VPS51: variants seen among roughly 807,000 people sequenced by gnomAD.
VPS51 encodes VPS51 subunit of GARP complex, also known as vacuolar protein sorting-associated protein 51 homolog.
In VPS51, 55 loss-of-function variants were observed where a neutral mutation model predicts 65.1. That is an observed-to-expected ratio of 0.84 (90% confidence interval 0.68 to 1.06). VPS51 has a LOEUF of 1.06. VPS51 is among the 50% of genes least tolerant of loss of function. The pLI, the probability that VPS51 is intolerant of heterozygous loss-of-function variation, is 0.00. For synonymous variants in VPS51, 473 were observed against 489.5 expected (o/e 0.97, Z 0.44); for missense variants, 943 against 1,101.6 (o/e 0.86, Z 2.04).
In VPS51 at chr11:65,109,678, C is replaced by T. The variant is rs750196382; in HGVS notation, c.1660-27C>T. The T allele has an allele frequency of 3.6e-5, 55 of 1,543,270 alleles. No homozygotes were observed. In the South Asian group the frequency reaches 4.9e-4, roughly 14 times the overall value. On this transcript the variant is annotated intron_variant, in intron 6 of 9. Coordinates refer to ENST00000279281, the MANE Select transcript of VPS51 (RefSeq NM_013265.4). Reference sequence around the variant, plus strand: ...TGAGCTGCCCCCACCATACCCACTCCCTCTGTCCTCTGCCTCCTTGGCTCA... The same window carrying T: ...TGAGCTGCCCCCACCATACCCACTCTCTCTGTCCTCTGCCTCCTTGGCTCA...
Position 65,108,770 on chromosome 11 carries a change from C to T in VPS51, c.1299C>T (p.Arg433=), listed in dbSNP as rs201622389. The change falls in exon 5 of 10, where the codon CGC becomes CGT. Residue 433 remains arginine (R), a synonymous_variant. Coordinates refer to ENST00000279281, the MANE Select transcript of VPS51 (RefSeq NM_013265.4). ...TCCGCCAGGCGCTGGCAGCACCTCG[C>T]GTGGCTGGGAAGGAGGGCCCTGGCC... ...TDVRQALAAP[R]VAGKEGPGLA... 5.8e-5 allele frequency: 93 copies of T among 1,612,382 alleles called. No homozygotes were observed. Among genetic ancestry groups the T allele is most frequent in the Non-Finnish European group, 7.6e-5 (90 of 1,179,924 alleles).
Position 65,107,950 on chromosome 11 carries a change from C to T in VPS51, c.653C>T (p.Ser218Leu). ...CTGCAGCAGTACCAACACCTGCCCT[C>T]GTTCCGCGCCATCCAGGACGACTGC... ...AVLQQYQHLPSFRAIQDDCQV... is the reference protein window; with the variant it reads ...AVLQQYQHLPLFRAIQDDCQV... The change falls in exon 4 of 10, where the codon TCG becomes TTG. Residue 218 changes from serine to leucine, a missense_variant. Transcript: ENST00000279281. The surrounding 1 kb of genome is among the most constrained non-coding windows in gnomAD (Gnocchi z 4.0). 2 of 1,566,598 alleles carry T rather than the reference C, an allele frequency of 1.3e-6. No homozygotes were observed. The highest frequency in any genetic ancestry group is 1.7e-6 in the Non-Finnish European group (2 of 1,158,682).
chr11:65,108,731 C>A lies in VPS51; in HGVS notation c.1260C>A (p.Gly420=). ...HLQGLRAAFL[G]CLTDVRQALA... is the part of the protein sequence containing the mutation. Reference sequence around the variant, plus strand: ...AGGGTCTCCGGGCGGCCTTCCTGGGCTGCCTGACAGACGTCCGCCAGGCGC... The same window carrying A: ...AGGGTCTCCGGGCGGCCTTCCTGGGATGCCTGACAGACGTCCGCCAGGCGC... Residue 420 remains glycine, a synonymous_variant, in exon 5 of 10, where the codon GGC becomes GGA. Coordinates refer to ENST00000279281, the MANE Select transcript of VPS51 (RefSeq NM_013265.4). 6.2e-7 allele frequency: 1 copy of A among 1,610,396 alleles called. No individual in the cohort carries two copies. The highest frequency in any genetic ancestry group is 8.5e-7 in the Non-Finnish European group (1 of 1,179,540).
In VPS51 at chr11:65,108,875, C is replaced by T. The variant is rs373780734; in HGVS notation, c.1404C>T (p.Thr468=). The change falls in exon 5 of 10, where the codon ACC becomes ACT. Residue 468 remains threonine, a synonymous_variant. Coordinates refer to ENST00000279281, the MANE Select transcript of VPS51 (RefSeq NM_013265.4). ...CTCTGGCAGCAGTGCACCTTTTCAC[C>T]GCCAAAGAGGTGTCCTTCTCCAACA... ...KASLAAVHLF[T]AKEVSFSNKP... 1.8e-4 allele frequency: 290 copies of T among 1,612,922 alleles called. No homozygotes were observed. The highest frequency in any genetic ancestry group is 2.1e-4 in the Non-Finnish European group (249 of 1,180,034).
At chr11:65,109,250 T>C in intron 5 of VPS51, 30 bp from the exon 6 acceptor site, 5 of 1,597,992 alleles carry the variant, frequency 3.1e-6, no homozygotes, top group Non-Finnish European at 4.3e-6. Context: ...AGAGGGGACC[T>C]GCTGTGGACC....
rs1027847641 is a variant in VPS51, at chr11:65,108,485, G to A, written c.1014G>A (p.Ala338=). Residue 338 remains alanine, a synonymous_variant, in exon 5 of 10, where the codon GCG becomes GCA. Transcript: ENST00000279281. ...GCCCAGCAGGTGCCGAGAAGCTGGC[G>A]GCCTTCGCCCGGCAGCTGGGCAGCC... ...AQGPAGAEKL[A]AFARQLGSRY... is the part of the protein sequence containing the mutation. 6.2e-7 allele frequency: 1 copy of A among 1,606,232 alleles called. No homozygotes were observed. The highest frequency in any genetic ancestry group is 8.5e-7 in the Non-Finnish European group (1 of 1,178,646).
chr11:65,096,294 C>T lies in VPS51; in HGVS notation c.44C>T (p.Pro15Leu). 2.0e-6 allele frequency: 3 copies of T among 1,519,618 alleles called. No individual in the cohort carries two copies. Among genetic ancestry groups the T allele is most frequent in the Non-Finnish European group, 2.6e-6 (3 of 1,139,140 alleles). 94.1% of individuals were successfully genotyped at this position (1,519,618 alleles called of 1,614,324 possible). The stretch of plus-strand genomic sequence containing the variant: ...GCCGGGCCTAGCCCGGGGTCTGGAC[C>T]TGGGGACTCCCCAGAAGGGCCCGAG... The part of the protein sequence containing the change: ...AAAGPSPGSG[P>L]GDSPEGPEGE... The change falls in exon 1 of 10, where the codon CCT becomes CTT. Residue 15 changes from proline (P) to leucine (L), a missense_variant. Around this residue, in one of 2 missense-constraint regions of VPS51, gnomAD observed 855 missense variants for 953.7 expected, o/e 0.90. Coordinates refer to ENST00000279281, the MANE Select transcript of VPS51 (RefSeq NM_013265.4).
intron 7 of VPS51, 141 bp from the exon 8 acceptor site, chr11:65,110,341 C>G: frequency 7.1e-7 from 1 of 1,405,216 alleles, no homozygotes; most frequent in South Asian, 1.3e-5. Context: ...CGACCATGTA[C>G]CTACTAAATA....
Position 65,097,134 on chromosome 11 carries a change from C to T in VPS51, c.358+7C>T. On this transcript the variant is annotated splice_region_variant and intron_variant, in intron 2 of 9. Coordinates refer to ENST00000279281, the MANE Select transcript of VPS51 (RefSeq NM_013265.4). ...AAGTTCATCTCAGCCACAGGTGATC[C>T]CCACGGGGACACACCCTCCAAAGTC... 6.2e-7 allele frequency: 1 copy of T among 1,613,710 alleles called. No homozygotes were observed. The highest frequency in any genetic ancestry group is 8.5e-7 in the Non-Finnish European group (1 of 1,179,916).
At position 65,111,723 on chromosome 11, in the gene VPS51, G is replaced by A; in HGVS notation, c.*136G>A. 7.3e-7 allele frequency: 1 copy of A among 1,377,422 alleles called. No individual in the cohort carries two copies. Among genetic ancestry groups the A allele is most frequent in the Non-Finnish European group, 9.6e-7 (1 of 1,045,886 alleles). 85.3% of individuals were successfully genotyped at this position (1,377,422 alleles called of 1,614,324 possible). A position where few individuals can be genotyped will look rare whatever the true frequency, so the allele number is the denominator to read the frequency against. ...GTGGCCTCCTCCTCTCGCTTGCTGGGCGGGCCTTTCCGGGGGCGGGGTTTT... is the reference window on the plus strand; with the variant it reads ...GTGGCCTCCTCCTCTCGCTTGCTGGACGGGCCTTTCCGGGGGCGGGGTTTT... On this transcript the variant is annotated 3_prime_UTR_variant, in exon 10 of 10. Transcript: ENST00000279281.
chr11:65,111,728 C>T lies in VPS51; in HGVS notation c.*141C>T. 1.5e-6 allele frequency: 2 copies of T among 1,356,544 alleles called. No individual in the cohort carries two copies. Among genetic ancestry groups the T allele is most frequent in the East Asian group, 2.5e-5 (1 of 39,672 alleles). 84.0% of individuals were successfully genotyped at this position (1,356,544 alleles called of 1,614,324 possible). A position where few individuals can be genotyped will look rare whatever the true frequency, so the allele number is the denominator to read the frequency against. Reference sequence around the variant, plus strand: ...CTCCTCCTCTCGCTTGCTGGGCGGGCCTTTCCGGGGGCGGGGTTTTGAAGC... The same window carrying T: ...CTCCTCCTCTCGCTTGCTGGGCGGGTCTTTCCGGGGGCGGGGTTTTGAAGC... On this transcript the variant is annotated 3_prime_UTR_variant, in exon 10 of 10. Coordinates refer to ENST00000279281, the MANE Select transcript of VPS51 (RefSeq NM_013265.4).
In VPS51 at chr11:65,109,517, G is replaced by T. The variant is rs373527162; in HGVS notation, c.1659+22G>T. 1.5e-5 allele frequency: 24 copies of T among 1,602,490 alleles called. No individual in the cohort carries two copies. In the East Asian group the frequency reaches 2.7e-4, roughly 18 times the overall value. On this transcript the variant is annotated intron_variant, in intron 6 of 9. Transcript: ENST00000279281. ...GCAGGTGAAGCACTAGCTCCTAGCC[G>T]GGCAGGGAATGGTGTTGCTGGGAAT...
chr11:65,098,156 AG>A (rs1947783389), intron 2 of VPS51, among the ~76,000 whole-genome samples: 1 of 152,030 alleles, frequency 6.6e-6, no homozygotes, highest in Non-Finnish European at 1.5e-5. Context: ...ACTCCAGCCT[AG>A]GCAGCAGAGC....
chr11:65,100,118 A>G (rs1425028386), intron 2 of VPS51, among the ~76,000 whole-genome samples: 1 of 152,122 alleles, frequency 6.6e-6, no homozygotes, highest in Non-Finnish European at 1.5e-5. Flanking sequence ...TAATAATAAT[A>G]ATAAATAATA....
Position 65,110,683 on chromosome 11 carries a change from C to A in VPS51, c.2001-11C>A, listed in dbSNP as rs766896913. The A allele has an allele frequency of 6.2e-7, 1 of 1,614,030 alleles. No homozygotes were observed. Among genetic ancestry groups the A allele is most frequent in the African/African-American group, 1.3e-5 (1 of 74,936 alleles). Reference sequence around the variant, plus strand: ...AGGGCGGGCTCTGATTCCTTGTCTTCCCCAATCCAGTGCCCCGATGGACAC... The same window carrying A: ...AGGGCGGGCTCTGATTCCTTGTCTTACCCAATCCAGTGCCCCGATGGACAC... On this transcript the variant is annotated splice_polypyrimidine_tract_variant and intron_variant, in intron 8 of 9. Coordinates refer to ENST00000279281, the MANE Select transcript of VPS51 (RefSeq NM_013265.4).
intron 2 of VPS51, among the ~76,000 whole-genome samples, chr11:65,103,602 T>C (rs1156373249): frequency 2.0e-5 from 3 of 152,208 alleles, no homozygotes; most frequent in South Asian, 2.1e-4. Flanking sequence ...TCTTGTCAAA[T>C]TGACATCAAT....
chr11:65,096,235 G>A lies in VPS51; in HGVS notation c.-16G>A. ...CTTCCTTTCCAGCCTCACGCCCGTG[G>A]GCTGCAGTTGGAACGATGGCGGCGG... On this transcript the variant is annotated 5_prime_UTR_variant, in exon 1 of 10. Transcript: ENST00000279281. 1 of 1,526,590 alleles carries A rather than the reference G, an allele frequency of 6.6e-7. No individual in the cohort carries two copies. The highest frequency in any genetic ancestry group is 8.8e-7 in the Non-Finnish European group (1 of 1,139,782). The allele number at this position is 1,526,590 out of a possible 1,614,324, so 94.6% of individuals were successfully genotyped here.
In VPS51 at chr11:65,107,104, C is replaced by T; in HGVS notation, c.359-477C>T. The T allele has an allele frequency of 4.4e-6, 2 of 455,220 alleles. No homozygotes were observed. The highest frequency in any genetic ancestry group is 1.4e-4 in the East Asian group (2 of 14,404). The allele number at this position is 455,220 out of a possible 1,614,324, so 28.2% of individuals were successfully genotyped here. ...GGAAAGGGCCCTTCAGAGAAGACAG[C>T]CCATGTTCCGGAAAGCATGTGAAAG... On this transcript the variant is annotated intron_variant, in intron 2 of 9. Transcript: ENST00000279281. The surrounding 1 kb of genome is among the most constrained non-coding windows in gnomAD (Gnocchi z 4.0).
At position 65,109,882 on chromosome 11, in the gene VPS51, A is replaced by C; in HGVS notation, c.1837A>C (p.Met613Leu). The part of the protein sequence containing the change: ...TLEPRNVRAV[M>L]KRVVEDTTAI... ...GGAGCCCCGGAATGTGCGGGCCGTC[A>C]TGAAGCGGGTGGTGGAGGATACCAC... Residue 613 changes from methionine to leucine, a missense_variant, in exon 7 of 10, where the codon ATG (methionine) becomes CTG (leucine). Transcript: ENST00000279281. The C allele has an allele frequency of 6.2e-7, 1 of 1,610,742 alleles. No individual in the cohort carries two copies. The highest frequency in any genetic ancestry group is 1.1e-5 in the South Asian group (1 of 90,364).
Sources: allele counts gnomAD v4.1 joint callset (sites outside exome capture counted in the v4.1 genomes callset), GRCh38; gene constraint gnomAD v4.1.1; regional missense constraint gnomAD v4.1.1; non-coding constraint Gnocchi (gnomAD v3.1); transcripts MANE v1.5; gene names NCBI Gene and HGNC (gene_info 2026-07-23, HGNC 2026-07-21).